Variants in KAZN observed in about 807,000 individuals in gnomAD.
KAZN encodes the protein kazrin.
KAZN carries 40 observed loss-of-function variants against 87.4 expected under a neutral mutation model. The observed-to-expected ratio is 0.46, with a 90% confidence interval of 0.36 to 0.60. The LOEUF is 0.60. KAZN is among the 20% of genes least tolerant of loss of function. The pLI is 0.00. For synonymous variants in KAZN, 466 were observed against 458.3 expected, an observed-to-expected ratio of 1.02 and a Z score of -0.22; for missense variants, 898 against 1,073.9, an observed-to-expected ratio of 0.84 and a Z score of 2.29.
chr1:14,428,112 G>A (rs1665843182), intron 2 of KAZN, among the ~76,000 whole-genome samples: 1 of 152,288 alleles, frequency 6.6e-6, no homozygotes, highest in South Asian at 2.1e-4. Context: ...GCTGTACATG[G>A]TAGCTCATCT....
intron 1 of KAZN, among the ~76,000 whole-genome samples, chr1:14,063,103 A>G (rs953478593): frequency 6.6e-6 from 1 of 152,236 alleles, no homozygotes; most frequent in Non-Finnish European, 1.5e-5. Flanking sequence ...TAATGGTGCT[A>G]TATTTATTAA....
At chr1:14,139,969 GGTATGTA>G (rs199725368) in intron 1 of KAZN, among the ~76,000 whole-genome samples, 7 of 49,888 alleles carry the variant, frequency 1.4e-4, no homozygotes, top group African/African-American at 6.3e-4. Flanking sequence ...GTGTGTGTGT[GGTATGTA>G]TGTGTGTGTG....
chr1:14,385,399 G>A (rs1436599336), intron 2 of KAZN, among the ~76,000 whole-genome samples: 1 of 152,092 alleles, frequency 6.6e-6, no homozygotes, highest in Non-Finnish European at 1.5e-5. Context: ...TTTTAATTGT[G>A]ATGGTAGGGT....
In KAZN at chr1:14,754,257, A is replaced by T. The variant is rs373437977; in HGVS notation, c.226+155034A>T. The stretch of plus-strand genomic sequence containing the variant: ...ATGATTTATGTGGGATACAGTGGGG[A>T]GGCCAGTGGAGGGATTTTGTTGCAC... On this transcript the variant is annotated intron_variant, in intron 1 of 14. Coordinates refer to ENST00000376030, the MANE Select transcript of KAZN (RefSeq NM_201628.3). 7.9e-5 allele frequency among the ~76,000 whole-genome samples: 12 copies of T among 152,306 alleles called. No individual in the cohort carries two copies. In the East Asian group the frequency reaches 2.1e-3, roughly 27 times the overall value.
intron 1 of KAZN, among the ~76,000 whole-genome samples, chr1:14,126,535 G>T (rs1416243600): frequency 2.6e-5 from 4 of 152,078 alleles, no homozygotes; most frequent in Admixed American, 2.6e-4. Flanking sequence ...GTACAGAGTG[G>T]TGCATTTTAG....
At chr1:13,983,485 C>A (rs1357926347) in intron 1 of KAZN, among the ~76,000 whole-genome samples, 1 of 152,244 alleles carries the variant, frequency 6.6e-6, no homozygotes, top group African/African-American at 2.4e-5. Flanking sequence ...CCACGACCAC[C>A]TGGAACTCTA....
intron 10 of KAZN, among the ~76,000 whole-genome samples, chr1:15,098,497 T>A: frequency 6.6e-6 from 1 of 152,218 alleles, no homozygotes; most frequent in Non-Finnish European, 1.5e-5. Context: ...TTTGCAGCTC[T>A]CCACCCCAAC....
chr1:14,053,076 A>G (rs1642409300), intron 1 of KAZN, among the ~76,000 whole-genome samples: 2 of 152,148 alleles, frequency 1.3e-5, no homozygotes, highest in Admixed American at 6.5e-5. Flanking sequence ...CCACCCCGTG[A>G]GTCTGTGATG....
chr1:13,984,664 T>A (rs1638923835), intron 1 of KAZN, among the ~76,000 whole-genome samples: 1 of 152,206 alleles, frequency 6.6e-6, no homozygotes, highest in Non-Finnish European at 1.5e-5. Flanking sequence ...TGTATGTTAC[T>A]ATATATAAGC....
At chr1:14,500,798 T>G (rs1457171025) in intron 2 of KAZN, among the ~76,000 whole-genome samples, 1 of 151,706 alleles carries the variant, frequency 6.6e-6, no homozygotes, top group East Asian at 1.9e-4. Context: ...TAAAACAGAG[T>G]ATGAGGAAAT....
intron 2 of KAZN, among the ~76,000 whole-genome samples, chr1:14,462,302 C>G (rs972836115): frequency 1.3e-5 from 2 of 151,892 alleles, no homozygotes; most frequent in Non-Finnish European, 2.9e-5. Context: ...ACAGGGAGCC[C>G]CTAGATTTCC....
At chr1:14,463,234 A>G (rs1367055298) in intron 2 of KAZN, among the ~76,000 whole-genome samples, 2 of 152,172 alleles carry the variant, frequency 1.3e-5, no homozygotes, top group Non-Finnish European at 2.9e-5. Context: ...TTAAACTGTC[A>G]TGGTGCTGGT....
chr1:13,901,439 G>A (rs1395021369), intron 1 of KAZN, among the ~76,000 whole-genome samples: 2 of 152,210 alleles, frequency 1.3e-5, no homozygotes, highest in Non-Finnish European at 2.9e-5. Context: ...GGCCGGACAG[G>A]TCAGGTGAGC....
rs112126046 is a variant in KAZN at position 14,145,584 on chromosome 1, AC to A, written c.92-34849del. Among the ~76,000 whole-genome samples the A allele has an allele frequency of 2.6e-3, 395 of 151,306 alleles. 4 individuals are homozygous for A. Among genetic ancestry groups the A allele is most frequent in the African/African-American group, 9.2e-3 (379 of 41,272 alleles). ...GTAGCTTAGCTTTATAAGACAGTATACCTTTTTTTTTTTTGAGACAGAGTTT... is the reference window on the plus strand; with the variant it reads ...GTAGCTTAGCTTTATAAGACAGTATACTTTTTTTTTTTTGAGACAGAGTTT... On this transcript the variant is annotated intron_variant, in intron 1 of 16. Transcript: ENST00000636203.
At chr1:14,608,838 A>G (rs1677582899) in intron 1 of KAZN, among the ~76,000 whole-genome samples, 1 of 152,236 alleles carries the variant, frequency 6.6e-6, no homozygotes, top group Admixed American at 6.5e-5. Context: ...ATTTTCCTTG[A>G]TTGACTTAAA....
At chr1:14,969,354 T>G (rs1276587883) in intron 2 of KAZN, among the ~76,000 whole-genome samples, 2 of 152,244 alleles carry the variant, frequency 1.3e-5, no homozygotes, top group African/African-American at 4.8e-5. Context: ...GTTCATCACC[T>G]GGGGTTGAAT....
intron 2 of KAZN, among the ~76,000 whole-genome samples, chr1:14,466,188 C>T (rs535542390): frequency 8.5e-5 from 13 of 152,224 alleles, no homozygotes; most frequent in African/African-American, 1.9e-4. Flanking sequence ...ATGTCCCTGC[C>T]GCCAAAAGCA....
At chr1:15,028,148 A>G (rs1267229529) in intron 2 of KAZN, among the ~76,000 whole-genome samples, 1 of 152,222 alleles carries the variant, frequency 6.6e-6, no homozygotes, top group Non-Finnish European at 1.5e-5. Context: ...GGTCTCAGGC[A>G]TGCATGTGGC....
intron 2 of KAZN, among the ~76,000 whole-genome samples, chr1:14,372,251 A>G (rs1660549720): frequency 1.3e-5 from 2 of 152,262 alleles, no homozygotes; most frequent in Admixed American, 6.5e-5. Context: ...AATCATGGAT[A>G]GATCAACAGC....
Sources: gnomAD v4.1 joint callset for allele counts (sites outside exome capture counted in the v4.1 genomes callset) on GRCh38, gnomAD v4.1.1 for gene constraint, MANE v1.5 for transcripts, NCBI Gene and HGNC (gene_info 2026-07-23, HGNC 2026-07-21) for gene names.